MLLT3: variants seen among roughly 807,000 people sequenced by gnomAD.
MLLT3 encodes the protein protein AF-9.
A neutral mutation model predicts 53.2 loss-of-function variants in MLLT3; 4 were observed. The ratio of observed to expected loss-of-function variants is 0.08; its 90% CI spans 0.04 to 0.17. MLLT3 has a LOEUF of 0.17. Among genes scored for constraint, MLLT3 ranks in the 10% least tolerant of loss-of-function variants. The pLI, the probability that MLLT3 is intolerant of heterozygous loss-of-function variation, is 1.00. For missense variants in MLLT3, 569 were observed against 684.0 expected, an observed-to-expected ratio of 0.83 and a Z score of 1.87; for synonymous variants, 283 against 230.6, an observed-to-expected ratio of 1.23 and a Z score of -2.06.
At chr9:20,601,949 G>A (rs56851643) in intron 2 of MLLT3, among the ~76,000 whole-genome samples, 4,611 of 151,964 alleles carry the variant, frequency 0.03, 232 homozygotes, top group African/African-American at 0.11. Flanking sequence ...CTTGTCCACC[G>A]GGCTTCAAAG....
In MLLT3 at chr9:20,622,276, T is replaced by A; in HGVS notation, c.-20A>T. On this transcript the variant is annotated 5_prime_UTR_variant, in exon 1 of 11. Transcript: ENST00000380338. ...AGCCATGCCTGGGGGCCCGGAGGTT[T>A]GCTGGGGTGTTGTGTGGTACCCCCC... 1 of 1,588,446 alleles carries A rather than the reference T, an allele frequency of 6.3e-7. No homozygotes were observed. Among genetic ancestry groups the A allele is most frequent in the Non-Finnish European group, 8.6e-7 (1 of 1,166,460 alleles).
chr9:20,424,886 C>G (rs1823103685), intron 4 of MLLT3, among the ~76,000 whole-genome samples: 1 of 152,086 alleles, frequency 6.6e-6, no homozygotes, highest in South Asian at 2.1e-4. Context: ...TGTAAAGTAC[C>G]TATGTCTGTA....
intron 2 of MLLT3, among the ~76,000 whole-genome samples, chr9:20,520,323 T>A (rs1007178323): frequency 2.0e-5 from 3 of 150,930 alleles, no homozygotes; most frequent in Middle Eastern, 3.4e-3. Flanking sequence ...ACATAACAAA[T>A]CTGCACATGG....
At chr9:20,519,704 C>T (rs1334553412) in intron 2 of MLLT3, among the ~76,000 whole-genome samples, 1 of 152,138 alleles carries the variant, frequency 6.6e-6, no homozygotes, top group African/African-American at 2.4e-5. Context: ...ATAACAGATG[C>T]TGGCAAGGTT....
At chr9:20,545,420 C>T (rs1818760780) in intron 2 of MLLT3, among the ~76,000 whole-genome samples, 1 of 151,988 alleles carries the variant, frequency 6.6e-6, no homozygotes, top group Admixed American at 6.6e-5. Context: ...GGGAGGGGAT[C>T]CATTGTTAGA....
chr9:20,349,268 T>C (rs1444315387), intron 10 of MLLT3, among the ~76,000 whole-genome samples: 1 of 152,192 alleles, frequency 6.6e-6, no homozygotes, highest in Non-Finnish European at 1.5e-5. Context: ...CTGTTCTACT[T>C]GTACAAGTTT....
At chr9:20,499,129 C>A (rs1825155170) in intron 2 of MLLT3, among the ~76,000 whole-genome samples, 2 of 152,192 alleles carry the variant, frequency 1.3e-5, no homozygotes, top group South Asian at 4.1e-4. Context: ...TCTCCATCTT[C>A]CCATGGGCTT....
intron 5 of MLLT3, among the ~76,000 whole-genome samples, chr9:20,407,398 G>A (rs965773162): frequency 2.0e-5 from 3 of 152,160 alleles, no homozygotes; most frequent in Non-Finnish European, 4.4e-5. Context: ...GAGGCTCCTG[G>A]ATGTTTCACA....
In MLLT3 at chr9:20,448,539, A is replaced by C. The variant is rs1823762801; in HGVS notation, c.277-273T>G. ...TCTTTCAGGTGACAGGATACCAGCA[A>C]CATAGCCACCCAACTAGAAACCAAG... On this transcript the variant is annotated intron_variant, in intron 3 of 10. Transcript: ENST00000380338. The surrounding 1 kb of genome is among the most constrained non-coding windows in gnomAD (Gnocchi z 4.0). Among the ~76,000 whole-genome samples the C allele has an allele frequency of 1.3e-5, 2 of 152,060 alleles. No individual in the cohort carries two copies. The highest frequency in any genetic ancestry group is 4.1e-4 in the South Asian group (2 of 4,826).
intron 4 of MLLT3, among the ~76,000 whole-genome samples, chr9:20,425,073 G>A (rs185494119): frequency 5.9e-5 from 9 of 152,132 alleles, no homozygotes; most frequent in African/African-American, 2.2e-4. Context: ...CTGAACAGAA[G>A]AGAAGGGAAA....
chr9:20,408,195 T>C (rs1043689040), intron 5 of MLLT3, among the ~76,000 whole-genome samples: 5 of 152,110 alleles, frequency 3.3e-5, no homozygotes, highest in Non-Finnish European at 5.9e-5. Flanking sequence ...TTCTAAGGAA[T>C]TCCTTAATTT....
chr9:20,524,556 C>T (rs1472424722), intron 2 of MLLT3, among the ~76,000 whole-genome samples: 2 of 152,118 alleles, frequency 1.3e-5, no homozygotes, highest in Admixed American at 1.3e-4. Context: ...CTCGGGCTCT[C>T]ATTGTGTTAC....
intron 9 of MLLT3, 137 bp from the exon 10 acceptor site, chr9:20,353,733 C>T: frequency 1.4e-6 from 1 of 710,396 alleles, no homozygotes; most frequent in Non-Finnish European, 2.5e-6. Flanking sequence ...AGGCTGTGTG[C>T]ACTCAGTGCC....
intron 2 of MLLT3, among the ~76,000 whole-genome samples, chr9:20,511,452 A>T (rs138169987): frequency 6.6e-6 from 1 of 152,366 alleles, no homozygotes; most frequent in East Asian, 1.9e-4. Context: ...TACAAGCTGG[A>T]ATCTTTACAG....
chr9:20,500,151 C>T (rs1825182246), intron 2 of MLLT3, among the ~76,000 whole-genome samples: 1 of 152,214 alleles, frequency 6.6e-6, no homozygotes, highest in Non-Finnish European at 1.5e-5. Flanking sequence ...TTGTGTGGTT[C>T]TAGCTCAGAG....
chr9:20,608,295 G>A (rs934868256), intron 2 of MLLT3, among the ~76,000 whole-genome samples: 1 of 151,824 alleles, frequency 6.6e-6, no homozygotes, highest in Non-Finnish European at 1.5e-5. Context: ...AAAGTCAGAT[G>A]TAGGCTCTAG....
chr9:20,464,836 A>G (rs1185389655), intron 2 of MLLT3, among the ~76,000 whole-genome samples: 1 of 152,056 alleles, frequency 6.6e-6, no homozygotes, highest in Non-Finnish European at 1.5e-5. Flanking sequence ...CTTCCTTCCT[A>G]AACATTTCCT....
rs963668151 is a variant in MLLT3, at chr9:20,621,995, G to A, written c.12+250C>T. 2 of 1,395,934 alleles carry A rather than the reference G, an allele frequency of 1.4e-6. No individual in the cohort carries two copies. Among genetic ancestry groups the A allele is most frequent in the Admixed American group, 3.3e-5 (1 of 30,330 alleles). 86.5% of individuals were successfully genotyped at this position (1,395,934 alleles called of 1,614,324 possible). A position where few individuals can be genotyped will look rare whatever the true frequency, so the allele number is the denominator to read the frequency against. On this transcript the variant is annotated intron_variant, in intron 1 of 10. Coordinates refer to ENST00000380338, the MANE Select transcript of MLLT3 (RefSeq NM_004529.4). This position sits in a 1 kb window ranked among gnomAD's most constrained non-coding sequence, Gnocchi z 7.0. ...CTGCAAAGAGGCGAGGAGGGAGGGA[G>A]GCGCGGGGGGTGGAGGGGCGAGTGT...
intron 5 of MLLT3, among the ~76,000 whole-genome samples, chr9:20,407,829 G>C (rs568379474): frequency 1.2e-4 from 18 of 152,190 alleles, no homozygotes; most frequent in African/African-American, 4.3e-4. Context: ...ATCATGTTAA[G>C]TACATAGAAG....
Sources: gnomAD v4.1 joint callset for allele counts (sites outside exome capture counted in the v4.1 genomes callset) on GRCh38, gnomAD v4.1.1 for gene constraint, Gnocchi (gnomAD v3.1) non-coding constraint, MANE v1.5 for transcripts, NCBI Gene and HGNC (gene_info 2026-07-23, HGNC 2026-07-21) for gene names.